Variants in JCAD observed in about 807,000 individuals in gnomAD.
The protein encoded by JCAD is junctional cadherin 5-associated protein.
In JCAD, 40 loss-of-function variants were observed where a neutral mutation model predicts 98.0. The ratio of observed to expected loss-of-function variants is 0.41; its 90% CI spans 0.32 to 0.53. JCAD has a LOEUF of 0.53. JCAD is among the 20% of genes least tolerant of loss of function. The pLI is 0.31. For synonymous variants in JCAD, 691 were observed against 682.3 expected (o/e 1.01, Z -0.20); for missense variants, 1,705 against 1,738.1 (o/e 0.98, Z 0.34).
At position 30,029,435 on chromosome 10, in the gene JCAD, G is replaced by C. The variant is rs780103301; in HGVS notation, c.713C>G (p.Pro238Arg). ...AATTTCCGTGCAACTCAGGCTCTCG[G>C]GGGAAAGAACTCTAGGCAGTGAGCG... Reference protein sequence around the residue: ...KSRSLPRVLSPESLSCTEIPI... With the variant: ...KSRSLPRVLSRESLSCTEIPI... Residue 238 changes from proline to arginine, a missense_variant, in exon 3 of 4, where the codon CCC (proline) becomes CGC (arginine). Pro to Arg is a moderately radical substitution (Grantham distance 103). Transcript: ENST00000375377. 154 of 1,614,042 alleles carry C rather than the reference G, an allele frequency of 9.5e-5. No homozygotes were observed. Among genetic ancestry groups the C allele is most frequent in the Non-Finnish European group, 1.3e-4 (153 of 1,180,036 alleles).
Position 30,028,668 on chromosome 10 carries a change from CG to C in JCAD, c.1479del (p.Asp494IlefsTer36), listed in dbSNP as rs1268320691. ...PSGDERGLVL[A>X]DSSPRWLWGQ... ...CCCCACAGCCACCGGGGGCTGGAAT[CG>C]GCCAAGACCAGGCCTCTCTCATCCC... On this transcript the variant is annotated frameshift_variant, in exon 3 of 4. Transcript: ENST00000375377. LOFTEE classifies it high-confidence loss of function. The C allele has an allele frequency of 6.2e-7, 1 of 1,603,436 alleles. No individual in the cohort carries two copies. The highest frequency in any genetic ancestry group is 8.5e-7 in the Non-Finnish European group (1 of 1,175,030).
At chr10:30,094,858 G>A (rs1310653552) in intron 1 of JCAD, among the ~76,000 whole-genome samples, 1 of 152,180 alleles carries the variant, frequency 6.6e-6, no homozygotes, top group Non-Finnish European at 1.5e-5. Context: ...GAGATGTGGA[G>A]TCATTTCCCT....
At chr10:30,091,445 G>T (rs535788681) in intron 1 of JCAD, among the ~76,000 whole-genome samples, 1 of 151,998 alleles carries the variant, frequency 6.6e-6, no homozygotes, top group Non-Finnish European at 1.5e-5. Flanking sequence ...TTTATTTTTA[G>T]TTTTTAACAA....
chr10:30,077,036 G>C (rs1410018608), intron 1 of JCAD, among the ~76,000 whole-genome samples: 1 of 152,102 alleles, frequency 6.6e-6, no homozygotes, highest in Non-Finnish European at 1.5e-5. Flanking sequence ...GAAGACATTC[G>C]GAATTGCAGA....
rs1290286689 is a variant in JCAD at position 30,020,343 on chromosome 10, A to AG, written c.4046-2427_4046-2426insC. Among the ~76,000 whole-genome samples, 15 of 151,476 alleles carry AG rather than the reference A, an allele frequency of 9.9e-5. 1 individual carries two copies. The highest frequency in any genetic ancestry group is 1.5e-4 in the Non-Finnish European group (10 of 67,920). ...CTCGGTCTCAAAAAAAAAAAAAAAA[A>AG]AAAAGAAAAAGAAAAGTGAAAAACA... is the stretch of plus-strand genomic sequence containing the variant. On this transcript the variant is annotated intron_variant, in intron 3 of 3. Coordinates refer to ENST00000375377, the MANE Select transcript of JCAD (RefSeq NM_020848.4).
Position 30,026,721 on chromosome 10 carries a change from C to T in JCAD, c.3427G>A (p.Asp1143Asn). 1 of 1,614,136 alleles carries T rather than the reference C, an allele frequency of 6.2e-7. No individual in the cohort carries two copies. Among genetic ancestry groups the T allele is most frequent in the Non-Finnish European group, 8.5e-7 (1 of 1,180,012 alleles). The stretch of plus-strand genomic sequence containing the variant: ...CACTTCCTCCTGCCATAAAAGGCAT[C>T]AGTGGACACCCTGGGGACATCTGCC... Reference protein sequence around the residue: ...APADVPRVSTDAFYGRRKCGW... With the variant: ...APADVPRVSTNAFYGRRKCGW... Residue 1143 changes from aspartate (D) to asparagine (N), a missense_variant, in exon 3 of 4, where the codon GAT (aspartate) becomes AAT (asparagine). Transcript: ENST00000375377.
At chr10:30,020,326 C>CAAAAAAAAAAA (rs59762991) in intron 3 of JCAD, among the ~76,000 whole-genome samples, 39 of 82,910 alleles carry the variant, frequency 4.7e-4, no homozygotes, top group Non-Finnish European at 6.0e-4. Flanking sequence ...GACTCGGTCT[C>CAAAAAAAAAAA]AAAAAAAAAA....
intron 1 of JCAD, among the ~76,000 whole-genome samples, chr10:30,104,621 A>G (rs1838535332): frequency 6.6e-6 from 1 of 152,198 alleles, no homozygotes; most frequent in African/African-American, 2.4e-5. Context: ...GTTGGGTACT[A>G]TGCTCACTAC....
intron 1 of JCAD, among the ~76,000 whole-genome samples, chr10:30,084,711 A>G (rs537297322): frequency 6.6e-6 from 1 of 152,212 alleles, no homozygotes; most frequent in South Asian, 2.1e-4. Context: ...AGGATTCTCA[A>G]CTCACGCTGA....
At chr10:30,075,294 T>G (rs773139033) in intron 1 of JCAD, among the ~76,000 whole-genome samples, 7 of 152,178 alleles carry the variant, frequency 4.6e-5, no homozygotes, top group Non-Finnish European at 1.0e-4. Flanking sequence ...CTAGTTCCCC[T>G]CTGATATTAT....
intron 1 of JCAD, among the ~76,000 whole-genome samples, chr10:30,111,217 C>T (rs1838695258): frequency 6.6e-6 from 1 of 152,232 alleles, no homozygotes. Context: ...CACTGTTCCT[C>T]CTGGCCATTT....
Position 30,013,628 on chromosome 10 carries a change from G to A in JCAD, c.*4255C>T, listed in dbSNP as rs1414937709. On this transcript the variant is annotated 3_prime_UTR_variant, in exon 4 of 4. Coordinates refer to ENST00000375377, the MANE Select transcript of JCAD (RefSeq NM_020848.4). ...CTGCGGGGCAGGGGTGAAGGGAGGT[G>A]GAAGAAAGAAGAGATGGTCCTTTGG... 6.6e-6 allele frequency: 1 copy of A among 152,266 alleles called. No individual in the cohort carries two copies. The highest frequency in any genetic ancestry group is 1.5e-5 in the Non-Finnish European group (1 of 68,100). 9.4% of individuals were successfully genotyped at this position (152,266 alleles called of 1,614,324 possible).
intron 1 of JCAD, among the ~76,000 whole-genome samples, chr10:30,073,890 T>A (rs1837937936): frequency 6.6e-6 from 1 of 152,134 alleles, no homozygotes; most frequent in East Asian, 1.9e-4. Context: ...TAGAGCTACT[T>A]CCATTCTGCC....
At chr10:30,055,386 C>T (rs1398628904) in intron 1 of JCAD, among the ~76,000 whole-genome samples, 1 of 152,164 alleles carries the variant, frequency 6.6e-6, no homozygotes, top group African/African-American at 2.4e-5. Context: ...AGAGGTAAAT[C>T]ACCAAGACAT....
chr10:30,037,274 C>CAA (rs1043917663), intron 2 of JCAD, among the ~76,000 whole-genome samples: 2 of 152,140 alleles, frequency 1.3e-5, no homozygotes, highest in Non-Finnish European at 2.9e-5. Context: ...CCACCCCGTG[C>CAA]AAATATCCCT....
chr10:30,087,498 C>T (rs1838185147), intron 1 of JCAD, among the ~76,000 whole-genome samples: 1 of 152,114 alleles, frequency 6.6e-6, no homozygotes, highest in Admixed American at 6.5e-5. Flanking sequence ...GAGCTGAACA[C>T]AGTCTAGCAC....
Position 30,027,259 on chromosome 10 carries a change from G to A in JCAD, c.2889C>T (p.Asn963=), listed in dbSNP as rs769402502. ...SAEKRHLEVS[N]GMDELAGSPF... ...GGCTACCTGCCAGCTCGTCCATTCCGTTGCTAACCTCCAGGTGTCTCTTCT... is the reference window on the plus strand; with the variant it reads ...GGCTACCTGCCAGCTCGTCCATTCCATTGCTAACCTCCAGGTGTCTCTTCT... The change falls in exon 3 of 4, where the codon AAC becomes AAT. Residue 963 remains asparagine, a synonymous_variant. Transcript: ENST00000375377. 1.4e-5 allele frequency: 22 copies of A among 1,614,182 alleles called. No homozygotes were observed. In the East Asian group the frequency reaches 3.3e-4, roughly 25 times the overall value.
intron 1 of JCAD, among the ~76,000 whole-genome samples, chr10:30,072,314 T>C (rs1006939119): frequency 2.0e-5 from 3 of 152,252 alleles, no homozygotes; most frequent in African/African-American, 7.2e-5. Context: ...GTAATGTGTA[T>C]TTATGTAACA....
rs879028384 is a variant in JCAD at position 30,017,695 on chromosome 10, T to C, written c.*188A>G. 13 of 647,694 alleles carry C rather than the reference T, an allele frequency of 2.0e-5. No individual in the cohort carries two copies. The South Asian group carries it at 2.2e-4, about 11-fold the overall frequency. The allele number at this position is 647,694 out of a possible 1,614,324, so 40.1% of individuals were successfully genotyped here. On this transcript the variant is annotated 3_prime_UTR_variant, in exon 4 of 4. Coordinates refer to ENST00000375377, the MANE Select transcript of JCAD (RefSeq NM_020848.4). Reference sequence around the variant, plus strand: ...CAGATGGTTTCAACGGACGATTGCTTTATCGCCACAAAGCAATTCTGAGAG... The same window carrying C: ...CAGATGGTTTCAACGGACGATTGCTCTATCGCCACAAAGCAATTCTGAGAG...
Sources: gnomAD v4.1 joint callset for allele counts (sites outside exome capture counted in the v4.1 genomes callset) on GRCh38, gnomAD v4.1.1 for gene constraint, MANE v1.5 for transcripts, NCBI Gene and HGNC (gene_info 2026-07-23, HGNC 2026-07-21) for gene names.